Variants in MFN2 observed in about 807,000 individuals in gnomAD.
MFN2 encodes mitofusin 2.
A neutral mutation model predicts 87.5 loss-of-function variants in MFN2; 43 were observed. The ratio of observed to expected loss-of-function variants is 0.49; its 90% confidence interval spans 0.38 to 0.63. The LOEUF is 0.63. MFN2 is among the 30% of genes least tolerant of loss of function. MFN2 has a pLI of 0.00. For missense variants in MFN2, 743 were observed against 972.8 expected (o/e 0.76, Z 3.14); for synonymous variants, 337 against 359.9 (o/e 0.94, Z 0.72).
At position 12,006,603 on chromosome 1, in the gene MFN2, C is replaced by T. The variant is rs950932066; in HGVS notation, c.1782C>T (p.Leu594=). The T allele has an allele frequency of 8.7e-6, 14 of 1,614,244 alleles. No individual in the cohort carries two copies. Among genetic ancestry groups the T allele is most frequent in the East Asian group, 2.2e-5 (1 of 44,886 alleles). Residue 594 remains leucine, a synonymous_variant, in exon 16 of 19, where the codon CTC becomes CTT. Transcript: ENST00000235329. ...TGCCCCCACTGCCACAGGGCTCGCTCACCCAGGAGGAGTTCATGGTTTCCA... is the reference window on the plus strand; with the variant it reads ...TGCCCCCACTGCCACAGGGCTCGCTTACCCAGGAGGAGTTCATGGTTTCCA... The part of the protein sequence containing the change: ...PSMPPLPQGS[L]TQEEFMVSMV...
At chr1:12,001,903 G>T in intron 10 of MFN2, 67 bp downstream of exon 10, 2 of 1,613,992 alleles carry the variant, frequency 1.2e-6, no homozygotes, top group Non-Finnish European at 1.7e-6. Context: ...TGTGTCCCTG[G>T]CAGTGAAAAC....
intron 1 of MFN2, among the ~76,000 whole-genome samples, chr1:11,980,740 A>G (rs1287223232): frequency 6.6e-6 from 1 of 152,106 alleles, no homozygotes; most frequent in Non-Finnish European, 1.5e-5. Context: ...CTTCACGGCC[A>G]TGTTCTACCC....
At chr1:12,008,582 G>A (rs967968477) in intron 17 of MFN2, among the ~76,000 whole-genome samples, 1 of 150,806 alleles carries the variant, frequency 6.6e-6, no homozygotes, top group East Asian at 2.0e-4. Context: ...CGGCTGCCGG[G>A]CAGAGACGCT....
At position 12,001,408 on chromosome 1, in the gene MFN2, G is replaced by GGCA. The variant is rs1553143791; in HGVS notation, c.828_830dup (p.Gln276dup). The GGCA allele has an allele frequency of 6.2e-7, 1 of 1,613,546 alleles. No individual in the cohort carries two copies. Among genetic ancestry groups the GGCA allele is most frequent in the Non-Finnish European group, 8.5e-7 (1 of 1,179,888 alleles). On this transcript the variant is annotated inframe_insertion, in exon 9 of 19. Transcript: ENST00000235329. ...CATTTGTTTGGGCTCCAGGTGCGGCGGCAGCACATGGAGCGTTGTACCAGC... is the reference window on the plus strand; with the variant it reads ...CATTTGTTTGGGCTCCAGGTGCGGCGGCAGCAGCACATGGAGCGTTGTACCAGC...
chr1:12,011,651 C>T lies in MFN2; in HGVS notation c.*86C>T. 2 of 1,407,774 alleles carry T rather than the reference C, an allele frequency of 1.4e-6. No homozygotes were observed. Among genetic ancestry groups the T allele is most frequent in the Non-Finnish European group, 2.0e-6 (2 of 997,602 alleles). The allele number at this position is 1,407,774 out of a possible 1,614,324, so 87.2% of individuals were successfully genotyped here. ...TGGGCTCCCCCAGGGGCACGTGTGG[C>T]TCCTGCCCCCTGGCCACTGCCAAGA... On this transcript the variant is annotated 3_prime_UTR_variant, in exon 19 of 19. Transcript: ENST00000235329.
At chr1:11,989,100 A>G in intron 2 of MFN2, 65 bp from the exon 3 acceptor site, 1 of 1,559,204 alleles carries the variant, frequency 6.4e-7, no homozygotes, top group East Asian at 2.2e-5. Context: ...GCATTCCGCC[A>G]TCTCCCTAGC....
chr1:12,003,907 G>A lies in MFN2; in HGVS notation c.1161-85G>A. 1.3e-6 allele frequency: 2 copies of A among 1,576,294 alleles called. No homozygotes were observed. The highest frequency in any genetic ancestry group is 1.7e-6 in the Non-Finnish European group (2 of 1,147,938). The stretch of plus-strand genomic sequence containing the variant: ...CCTGCCAGGCAAGATAGCGGGCAGG[G>A]CGGCGTGGGATTTCTGGCATCCCCT... On this transcript the variant is annotated intron_variant, in intron 11 of 18. Transcript: ENST00000235329. The surrounding 1 kb of genome is among the most constrained non-coding windows in gnomAD (Gnocchi z 4.1).
intron 11 of MFN2, 78 bp downstream of exon 11, chr1:12,002,181 A>T: frequency 1.2e-6 from 2 of 1,609,120 alleles, no homozygotes; most frequent in Middle Eastern, 1.7e-4. Flanking sequence ...GGCAGTTAGG[A>T]CACGCCTTGA....
chr1:11,985,456 T>A (rs959760893), intron 2 of MFN2, among the ~76,000 whole-genome samples: 1 of 92,404 alleles, frequency 1.1e-5, no homozygotes, highest in Non-Finnish European at 1.9e-5. Context: ...CCTTGATCCC[T>A]TTTTTTTTTT....
intron 4 of MFN2, among the ~76,000 whole-genome samples, chr1:11,994,584 C>A (rs149719117): frequency 6.6e-6 from 1 of 150,774 alleles, no homozygotes; most frequent in African/African-American, 2.4e-5. Flanking sequence ...AGTGAGACTC[C>A]GTCTCAAAAA....
chr1:12,006,580 C>A lies in MFN2; in HGVS notation c.1759C>A (p.Pro587Thr), dbSNP rs771675874. ...TCTGACGCCAGCCAACCCCAGCATGCCCCCACTGCCACAGGGCTCGCTCAC... is the reference window on the plus strand; with the variant it reads ...TCTGACGCCAGCCAACCCCAGCATGACCCCACTGCCACAGGGCTCGCTCAC... ...IPLTPANPSM[P>T]PLPQGSLTQE... is the part of the protein sequence containing the mutation. Residue 587 changes from proline to threonine, a missense_variant, in exon 16 of 19, where the codon CCC (proline) becomes ACC (threonine). Pro to Thr is a conservative substitution (Grantham distance 38). This residue lies in a region of MFN2 where 571 missense variants were observed against 670.7 expected (regional missense o/e 0.85). Coordinates refer to ENST00000235329, the MANE Select transcript of MFN2 (RefSeq NM_014874.4). 3.1e-6 allele frequency: 5 copies of A among 1,614,130 alleles called. No homozygotes were observed. The highest frequency in any genetic ancestry group is 1.3e-5 in the African/African-American group (1 of 74,932).
At position 12,004,399 on chromosome 1, in the gene MFN2, G is replaced by T; in HGVS notation, c.1288-110G>T. 9.7e-7 allele frequency: 1 copy of T among 1,034,520 alleles called. No individual in the cohort carries two copies. Among genetic ancestry groups the T allele is most frequent in the Non-Finnish European group, 1.5e-6 (1 of 653,400 alleles). The allele number at this position is 1,034,520 out of a possible 1,614,324, so 64.1% of individuals were successfully genotyped here. A position where few individuals can be genotyped will look rare whatever the true frequency, so the allele number is the denominator to read the frequency against. On this transcript the variant is annotated intron_variant, in intron 12 of 18. Transcript: ENST00000235329. The surrounding 1 kb of genome is among the most constrained non-coding windows in gnomAD (Gnocchi z 4.2). ...TTAATTCCATAGAGGAGCTGAGGAG[G>T]CTGCTGGTTTGAGAGGAAGGATGTG...
Position 12,004,835 on chromosome 1 carries a change from G to A in MFN2, c.1403G>A (p.Arg468His), listed in dbSNP as rs138382758. 4,448 of 1,613,718 alleles carry A rather than the reference G, an allele frequency of 2.8e-3. 9 individuals carry two copies. The highest frequency in any genetic ancestry group is 3.1e-3 in the Non-Finnish European group (3,713 of 1,179,812). Reference protein sequence around the residue: ...VLKVYKNELHRHIEEGLGRNM... With the variant: ...VLKVYKNELHHHIEEGLGRNM... ...CTCTTCTGGTGGCAGGAGCTGCACC[G>A]CCACATAGAGGAAGGACTGGGTCGA... Residue 468 changes from arginine (R) to histidine (H), a missense_variant, in exon 14 of 19, where the codon CGC (arginine) becomes CAC (histidine). By Grantham distance (29) the Arg-to-His change is conservative (BLOSUM62 0). Around this residue, in one of 3 missense-constraint regions of MFN2, gnomAD observed 571 missense variants for 670.7 expected, o/e 0.85. Transcript: ENST00000235329. The surrounding 1 kb of genome is among the most constrained non-coding windows in gnomAD (Gnocchi z 4.2).
rs75754772 is a variant in MFN2, at chr1:11,997,530, A to G, written c.599+109A>G. 2,462 of 1,470,716 alleles carry G rather than the reference A, an allele frequency of 1.7e-3. 20 individuals carry two copies. In the African/African-American group the frequency reaches 0.03, roughly 18 times the overall value. 91.1% of individuals were successfully genotyped at this position (1,470,716 alleles called of 1,614,324 possible). A position where few individuals can be genotyped will look rare whatever the true frequency, so the allele number is the denominator to read the frequency against. ...GGCCCCATCCTTGCTCTGCTTAAGT[A>G]TTACTACCTTTCAGATGGGCTCAAC... On this transcript the variant is annotated intron_variant, in intron 6 of 18. Coordinates refer to ENST00000235329, the MANE Select transcript of MFN2 (RefSeq NM_014874.4).
At chr1:12,001,660 A>G (rs555340198) in intron 9 of MFN2, 106 bp downstream of exon 9, 1 of 1,599,240 alleles carries the variant, frequency 6.3e-7, no homozygotes, top group Admixed American at 1.7e-5. Flanking sequence ...GGATGCTGAG[A>G]AGAGCAGAGA....
chr1:12,000,349 C>A (rs1242011980), intron 8 of MFN2, among the ~76,000 whole-genome samples: 1 of 151,998 alleles, frequency 6.6e-6, no homozygotes, highest in East Asian at 2.0e-4. Flanking sequence ...GCCACCACAC[C>A]TGGCTAATTT....
chr1:11,994,343 C>CT (rs1237852049), intron 4 of MFN2, among the ~76,000 whole-genome samples: 1 of 152,192 alleles, frequency 6.6e-6, no homozygotes, highest in Non-Finnish European at 1.5e-5. Context: ...AATCCCAGCA[C>CT]TTTGGGAGGC....
intron 8 of MFN2, 111 bp from the exon 9 acceptor site, chr1:12,001,290 G>A (rs960211309): frequency 1.4e-6 from 2 of 1,451,056 alleles, no homozygotes; most frequent in African/African-American, 2.8e-5. Context: ...TGGGATTACA[G>A]GCGTCAGCCA....
At chr1:11,981,803 TC>T (rs2100781300) in intron 1 of MFN2, 166 bp from the exon 2 acceptor site, 1 of 152,282 alleles carries the variant, frequency 6.6e-6, no homozygotes, top group South Asian at 2.1e-4. Context: ...TGCGTTTTTT[TC>T]CCCAGGGCAC....
Sources: allele counts gnomAD v4.1 joint callset (sites outside exome capture counted in the v4.1 genomes callset), GRCh38; gene constraint gnomAD v4.1.1; regional missense constraint gnomAD v4.1.1; non-coding constraint Gnocchi (gnomAD v3.1); transcripts MANE v1.5; gene names NCBI Gene and HGNC (gene_info 2026-07-23, HGNC 2026-07-21).